The following TTC23L variants were observed in gnomAD, a reference collection of about 807,000 sequenced individuals.
TTC23L encodes the protein tetratricopeptide repeat protein 23-like.
In TTC23L, 42 loss-of-function variants were observed where a neutral mutation model predicts 48.1. The observed-to-expected ratio is 0.87, with a 90% CI of 0.68 to 1.13. The LOEUF is 1.13. Among genes scored for constraint, TTC23L ranks in the 50% most tolerant of loss-of-function variants. TTC23L has a pLI of 0.00. For missense variants in TTC23L, 391 were observed against 421.0 expected, an observed-to-expected ratio of 0.93 and a Z score of 0.62; for synonymous variants, 159 against 157.2, an observed-to-expected ratio of 1.01 and a Z score of -0.09.
chr5:34,914,879 G>A, the TTC23L span: 1 of 1,614,086 alleles, frequency 6.2e-7, no homozygotes. Flanking sequence ...GATCTGTTGG[G>A]TCAGAAGGGG....
At chr5:34,888,139 T>A (rs1170049406) in intron 9 of TTC23L, among the ~76,000 whole-genome samples, 1 of 151,904 alleles carries the variant, frequency 6.6e-6, no homozygotes, top group African/African-American at 2.4e-5. Flanking sequence ...CCTTCCACCA[T>A]GTGAGTTTAC....
downstream of TTC23L, among the ~76,000 whole-genome samples, chr5:34,903,018 C>T (rs1763546765): frequency 6.6e-6 from 1 of 151,008 alleles, no homozygotes; most frequent in African/African-American, 2.4e-5. Flanking sequence ...TTTTGGGTGG[C>T]ACCAAAATTT....
intron 8 of TTC23L, among the ~76,000 whole-genome samples, chr5:34,878,698 G>A (rs1033803370): frequency 1.3e-5 from 2 of 152,198 alleles, no homozygotes; most frequent in African/African-American, 4.8e-5. Flanking sequence ...AAAAACAGAT[G>A]TTGGTGAGGG....
intron 2 of TTC23L, among the ~76,000 whole-genome samples, chr5:34,843,560 T>A (rs1758868314): frequency 6.6e-6 from 1 of 152,242 alleles, no homozygotes; most frequent in African/African-American, 2.4e-5. Context: ...GGCTTATAAT[T>A]TTTACTATCC....
At chr5:34,915,623 A>G in the TTC23L span, 3 of 1,299,512 alleles carry the variant, frequency 2.3e-6, no homozygotes, top group Non-Finnish European at 3.1e-6. Context: ...GAGGCGGCAC[A>G]GACCTGGAGG....
chr5:34,886,129 A>ATGAG (rs1561154322), intron 9 of TTC23L, among the ~76,000 whole-genome samples: 1 of 152,180 alleles, frequency 6.6e-6, no homozygotes, highest in African/African-American at 2.4e-5. Context: ...CATCTGTAAA[A>ATGAG]TGAGTATAAT....
At chr5:34,886,956 G>A (rs562628550) in intron 9 of TTC23L, among the ~76,000 whole-genome samples, 1 of 152,280 alleles carries the variant, frequency 6.6e-6, no homozygotes, top group Non-Finnish European at 1.5e-5. Flanking sequence ...TGTGGCAAGA[G>A]GTGTTCAACC....
the TTC23L span, chr5:34,922,968 C>T: frequency 5.6e-6 from 8 of 1,418,026 alleles, no homozygotes; most frequent in African/African-American, 4.3e-5. Context: ...AGGCAGTCTA[C>T]TGTTAAATAA....
chr5:34,872,944 T>C (rs898302617), intron 8 of TTC23L, among the ~76,000 whole-genome samples: 1 of 152,120 alleles, frequency 6.6e-6, no homozygotes, highest in South Asian at 2.1e-4. Context: ...GCGCCTGTAA[T>C]CCCAGCTACT....
At chr5:34,852,271 G>A (rs549704778) in intron 4 of TTC23L, among the ~76,000 whole-genome samples, 18 of 152,194 alleles carry the variant, frequency 1.2e-4, no homozygotes, top group African/African-American at 4.3e-4. Flanking sequence ...TGAGAGGAGG[G>A]CACTCTGTAT....
chr5:34,854,644 A>C lies in TTC23L; in HGVS notation c.379+4336A>C, dbSNP rs1442419578. Among the ~76,000 whole-genome samples, 5 of 152,258 alleles carry C rather than the reference A, an allele frequency of 3.3e-5. No homozygotes were observed. The South Asian group carries it at 1.0e-3, about 32-fold the overall frequency. ...TCTGTGTGCGTTCATGCCTCACTGC[A>C]CCCATTCATGTTTTATAGTCATCAG... On this transcript the variant is annotated intron_variant, in intron 4 of 10. Transcript: ENST00000505624.
intron 9 of TTC23L, among the ~76,000 whole-genome samples, chr5:34,889,420 C>G (rs545265049): frequency 2.6e-5 from 4 of 152,178 alleles, no homozygotes; most frequent in Non-Finnish European, 5.9e-5. Flanking sequence ...TGTTCACCAG[C>G]GGTGGCTGAT....
intron 8 of TTC23L, among the ~76,000 whole-genome samples, chr5:34,873,359 T>C (rs1324413716): frequency 6.6e-6 from 1 of 152,124 alleles, no homozygotes; most frequent in African/African-American, 2.4e-5. Flanking sequence ...AAAGAACAAA[T>C]TGCAAAGCAT....
chr5:34,915,533 G>T, the TTC23L span: 1 of 558,144 alleles, frequency 1.8e-6, no homozygotes, highest in Non-Finnish European at 3.0e-6. Context: ...CTTCAGACCG[G>T]CCCTCCACCT....
At chr5:34,894,917 T>TGA (rs1259926980) in intron 9 of TTC23L, among the ~76,000 whole-genome samples, 4 of 144,756 alleles carry the variant, frequency 2.8e-5, no homozygotes, top group Admixed American at 1.4e-4. Flanking sequence ...GATGATGATG[T>TGA]TAATGGTGAT....
chr5:34,905,656 AAGAC>A, the TTC23L span: 1 of 152,188 alleles, frequency 6.6e-6, no homozygotes, highest in Non-Finnish European at 1.5e-5. Context: ...AAACTTCAAA[AAGAC>A]AGAACTAAAA....
At chr5:34,878,339 G>A (rs1761999600) in intron 8 of TTC23L, among the ~76,000 whole-genome samples, 1 of 151,558 alleles carries the variant, frequency 6.6e-6, no homozygotes, top group Non-Finnish European at 1.5e-5. Flanking sequence ...ATCTCAAAAA[G>A]AAAAAAATAG....
chr5:34,911,849 A>G, the TTC23L span: 12 of 1,605,404 alleles, frequency 7.5e-6, no homozygotes, highest in African/African-American at 1.5e-4. Flanking sequence ...CCTTAGCTTT[A>G]TAGTTCTGGG....
intron 8 of TTC23L, among the ~76,000 whole-genome samples, chr5:34,873,062 CAAGAA>C (rs1761581190): frequency 1.5e-5 from 2 of 131,100 alleles, no homozygotes; most frequent in South Asian, 5.0e-4. Context: ...GACTCCGTCT[CAAGAA>C]AAGAAAAGAA....
Sources: gnomAD v4.1 joint callset for allele counts (sites outside exome capture counted in the v4.1 genomes callset) on GRCh38, gnomAD v4.1.1 for gene constraint, MANE v1.5 for transcripts, NCBI Gene and HGNC (gene_info 2026-07-23, HGNC 2026-07-21) for gene names.